The following CLIC2 variants were observed in gnomAD, a reference collection of about 807,000 sequenced individuals.
The protein encoded by CLIC2 is CLIC family member 2, also known as chloride intracellular channel protein 2.
A neutral mutation model predicts 14.8 loss-of-function variants in CLIC2; 9 were observed. That is an observed-to-expected ratio of 0.61 (90% CI 0.37 to 1.06). The LOEUF (loss-of-function observed/expected upper bound fraction) is 1.06, where lower values mean the gene tolerates loss of function less well. Ranked by LOEUF, CLIC2 falls within the 50% of genes least tolerant of loss-of-function variation. CLIC2 has a pLI of 0.01. For missense variants in CLIC2, 148 were observed against 181.4 expected, an observed-to-expected ratio of 0.82 and a Z score of 1.06; for synonymous variants, 61 against 66.3, an observed-to-expected ratio of 0.92 and a Z score of 0.39.
At position 155,299,155 on chromosome X, in the gene CLIC2, TAAAG is replaced by T. The variant is rs2075005630; in HGVS notation, c.58-14_58-11del. 2.6e-6 allele frequency: 3 copies of T among 1,148,222 alleles called. No individual in the cohort carries two copies. The highest frequency in any genetic ancestry group is 2.2e-5 in the Admixed American group (1 of 45,580). The allele number at this position is 1,148,222 out of a possible 1,213,427, so 94.6% of individuals were successfully genotyped here. ...CTCCATCACTTCCAGCCTATTAAGA[TAAAG>T]AGAGACCTCAGTTCATTTGTTTGTT... On this transcript the variant is annotated splice_polypyrimidine_tract_variant and intron_variant, in intron 1 of 5. Coordinates refer to ENST00000369449, the MANE Select transcript of CLIC2 (RefSeq NM_001289.6).
chrX:155,285,036 G>GA (rs1423978074), intron 3 of CLIC2, among the ~76,000 whole-genome samples: 6 of 112,244 alleles, frequency 5.3e-5, no homozygotes, highest in Non-Finnish European at 9.4e-5. Context: ...TTGCTTTTAT[G>GA]AAAGAATGGA....
intron 3 of CLIC2, among the ~76,000 whole-genome samples, chrX:155,285,860 A>G (rs1438429865): frequency 1.8e-5 from 2 of 108,528 alleles, no homozygotes; most frequent in Non-Finnish European, 3.8e-5. Context: ...TAAGGAGCGG[A>G]GAGTTTAATA....
intron 1 of CLIC2, among the ~76,000 whole-genome samples, chrX:155,300,516 AT>A: frequency 9.0e-6 from 1 of 110,981 alleles, no homozygotes; most frequent in East Asian, 2.8e-4. Flanking sequence ...ATTTTCTCCC[AT>A]TTTGTAGGTT....
Position 155,308,154 on chromosome X carries a change from TA to T in CLIC2, c.58-9010del, listed in dbSNP as rs200531586. 6.5e-5 allele frequency among the ~76,000 whole-genome samples: 7 copies of T among 107,440 alleles called. No homozygotes were observed. In the East Asian group the frequency reaches 1.5e-3, roughly 22 times the overall value. The allele number at this position is 107,440 out of a possible 115,157, so 93.3% of individuals were successfully genotyped here. A position where few individuals can be genotyped will look rare whatever the true frequency, so the allele number is the denominator to read the frequency against. On this transcript the variant is annotated intron_variant, in intron 1 of 5. Transcript: ENST00000369449. The stretch of plus-strand genomic sequence containing the variant: ...TTCAAAATAACTGTTTTGAGGAAAC[TA>T]AAAAAAAATTGAGATAACACAGAGA...
intron 1 of CLIC2, among the ~76,000 whole-genome samples, chrX:155,329,637 A>G (rs1457620119): frequency 1.8e-5 from 2 of 109,018 alleles, no homozygotes; most frequent in Admixed American, 9.7e-5. Flanking sequence ...GAGGTTCCTC[A>G]AAAAAATGAA....
intron 1 of CLIC2, among the ~76,000 whole-genome samples, chrX:155,324,846 AT>A (rs2124217436): frequency 8.9e-6 from 1 of 111,781 alleles, no homozygotes; most frequent in East Asian, 2.8e-4. Flanking sequence ...AATGGAGAAA[AT>A]TTTTGCAATC....
intron 3 of CLIC2, chrX:155,292,973 TC>T: frequency 9.8e-7 from 1 of 1,016,606 alleles, no homozygotes; most frequent in Non-Finnish European, 1.4e-6. Context: ...CCCGGACAGT[TC>T]CAGGAATATT....
At chrX:155,318,786 C>T (rs1007353527) in intron 1 of CLIC2, among the ~76,000 whole-genome samples, 4 of 111,911 alleles carry the variant, frequency 3.6e-5, no homozygotes, top group African/African-American at 1.3e-4. Context: ...AATCTGGAGG[C>T]ATCTCATTAC....
At chrX:155,290,918 T>A (rs2074962145) in intron 3 of CLIC2, 3 of 701,673 alleles carry the variant, frequency 4.3e-6, no homozygotes, top group Non-Finnish European at 7.0e-6. Flanking sequence ...AATGTCATAA[T>A]TCTTCCTCAG....
At chrX:155,284,898 A>T (rs1365726426) in intron 3 of CLIC2, among the ~76,000 whole-genome samples, 1 of 112,167 alleles carries the variant, frequency 8.9e-6, no homozygotes, top group Non-Finnish European at 1.9e-5. Flanking sequence ...AGGTAACCAA[A>T]AATGCCACAG....
In CLIC2 at chrX:155,279,302, G is replaced by A. The variant is rs2074910022; in HGVS notation, c.429C>T (p.Phe143=). The part of the protein sequence containing the change: ...KNFEKSLLKE[F]KRLDDYLNTP... ...TGTTTAAGTAGTCATCCAGACGCTT[G>A]AATTCTTTGAGCAGAGATTTTTCAA... Residue 143 remains phenylalanine, a synonymous_variant, in exon 5 of 6, where the codon TTC becomes TTT. Coordinates refer to ENST00000369449, the MANE Select transcript of CLIC2 (RefSeq NM_001289.6). 8.3e-7 allele frequency: 1 copy of A among 1,207,217 alleles called. No individual in the cohort carries two copies. The highest frequency in any genetic ancestry group is 1.7e-5 in the African/African-American group (1 of 57,159).
In CLIC2 at chrX:155,298,814, C is replaced by T. The variant is rs191627909; in HGVS notation, c.264G>A (p.Glu88=). 2.5e-6 allele frequency: 3 copies of T among 1,208,308 alleles called. No individual in the cohort carries two copies. The highest frequency in any genetic ancestry group is 3.5e-5 in the South Asian group (2 of 56,737). Residue 88 remains glutamate, a synonymous_variant, in exon 3 of 6, where the codon GAG becomes GAA. Transcript: ENST00000369449. ...ELKTDFIKIE[E]FLEQTLAPPR... The stretch of plus-strand genomic sequence containing the variant: ...GAGGAGCCAGGGTTTGTTCTAAAAA[C>T]TCCTCAATTTTAATGAAGTCTGTTT...
chrX:155,306,033 G>T (rs1180345967), intron 1 of CLIC2, among the ~76,000 whole-genome samples: 2 of 111,633 alleles, frequency 1.8e-5, no homozygotes, highest in Non-Finnish European at 3.8e-5. Context: ...AGTGTATGAG[G>T]ACTTCTTTAG....
chrX:155,329,820 A>C (rs1175818271), intron 1 of CLIC2, among the ~76,000 whole-genome samples: 5 of 111,064 alleles, frequency 4.5e-5, no homozygotes, highest in Non-Finnish European at 9.5e-5. Context: ...GGATACAGAA[A>C]ATGTGGGCAT....
At chrX:155,299,695 T>C (rs1557318792) in intron 1 of CLIC2, among the ~76,000 whole-genome samples, 1 of 105,789 alleles carries the variant, frequency 9.5e-6, no homozygotes, top group Non-Finnish European at 1.9e-5. Context: ...CATCTAGCAT[T>C]AGGTATATCT....
intron 1 of CLIC2, among the ~76,000 whole-genome samples, chrX:155,323,232 A>C (rs192519729): frequency 1.8e-5 from 2 of 111,948 alleles, no homozygotes; most frequent in African/African-American, 6.5e-5. Flanking sequence ...ACACACAAAA[A>C]GAAAATTTCA....
intron 3 of CLIC2, among the ~76,000 whole-genome samples, chrX:155,295,208 T>A (rs1309885099): frequency 9.0e-6 from 1 of 111,624 alleles, no homozygotes. Context: ...CAAGAATGGT[T>A]CAACATGTGC....
intron 1 of CLIC2, among the ~76,000 whole-genome samples, chrX:155,332,195 A>G (rs2075159050): frequency 8.9e-6 from 1 of 112,147 alleles, no homozygotes. Flanking sequence ...ACTACACAGA[A>G]CACATAGATA....
intron 1 of CLIC2, among the ~76,000 whole-genome samples, chrX:155,312,774 G>T (rs2124199638): frequency 9.0e-6 from 1 of 111,422 alleles, no homozygotes; most frequent in South Asian, 3.8e-4. Context: ...CCATTTTAAT[G>T]ATATTTATTT....
Sources: gnomAD v4.1 joint callset for allele counts (sites outside exome capture counted in the v4.1 genomes callset) on GRCh38, gnomAD v4.1.1 for gene constraint, MANE v1.5 for transcripts, NCBI Gene and HGNC (gene_info 2026-07-23, HGNC 2026-07-21) for gene names.